The following EYS variants were observed in gnomAD, a reference collection of about 807,000 sequenced individuals.
The protein encoded by EYS is protein eyes shut homolog.
A neutral mutation model predicts 282.1 loss-of-function variants in EYS; 250 were observed. The ratio of observed to expected loss-of-function variants is 0.89; its 90% CI spans 0.80 to 0.98. EYS has a LOEUF of 0.98. Ranked by LOEUF, EYS falls within the 50% of genes least tolerant of loss-of-function variation. The probability of loss-of-function intolerance (pLI) is 0.00; values close to 1 mark genes in which losing one functional copy is unlikely to be tolerated. For synonymous variants in EYS, 1,355 were observed against 1,282.9 expected (o/e 1.06, Z -1.20); for missense variants, 4,016 against 3,709.0 (o/e 1.08, Z -2.15).
intron 22 of EYS, among the ~76,000 whole-genome samples, chr6:64,717,760 A>G (rs1771446312): frequency 6.6e-6 from 1 of 152,210 alleles, no homozygotes. Flanking sequence ...CATGTAATGT[A>G]GAGGTATATG....
chr6:65,421,092 A>T (rs1484514577), intron 5 of EYS, among the ~76,000 whole-genome samples: 4 of 151,928 alleles, frequency 2.6e-5, no homozygotes, highest in African/African-American at 4.8e-5. Flanking sequence ...CCCTAGCAAG[A>T]GAAGCAGTCT....
At chr6:64,662,890 T>C (rs1769093044) in intron 22 of EYS, among the ~76,000 whole-genome samples, 1 of 88,304 alleles carries the variant, frequency 1.1e-5, no homozygotes, top group African/African-American at 5.0e-5. Context: ...CTGATATACC[T>C]CCACCCCATT....
chr6:64,898,786 A>G (rs1040073626), intron 18 of EYS, among the ~76,000 whole-genome samples: 1 of 151,214 alleles, frequency 6.6e-6, no homozygotes, highest in African/African-American at 2.4e-5. Flanking sequence ...AATCAAAAAT[A>G]AAAGAAATCA....
intron 22 of EYS, among the ~76,000 whole-genome samples, chr6:64,660,897 C>A (rs1189394670): frequency 3.3e-5 from 5 of 152,120 alleles, no homozygotes; most frequent in Admixed American, 3.3e-4. Context: ...CTTTAAAGTT[C>A]ATATGGAAAC....
rs1582370442 is a variant in EYS at position 65,490,844 on chromosome 6, T to G, written c.749-137A>C. On this transcript the variant is annotated intron_variant, in intron 4 of 42. Transcript: ENST00000503581. ...GTTATGAAACCATGTTATACGATGA[T>G]GCATTTAAATTGAAATAAAAATTAA... 41 of 626,212 alleles carry G rather than the reference T, an allele frequency of 6.5e-5. No homozygotes were observed. The East Asian group carries it at 1.1e-3, about 17-fold the overall frequency. 38.8% of individuals were successfully genotyped at this position (626,212 alleles called of 1,614,324 possible).
intron 22 of EYS, among the ~76,000 whole-genome samples, chr6:64,681,853 T>C (rs982086028): frequency 3.3e-5 from 5 of 152,158 alleles, no homozygotes; most frequent in Non-Finnish European, 7.4e-5. Flanking sequence ...ACAAAGGCAG[T>C]TAATCATTCT....
At chr6:63,803,251 CTTT>C (rs773877468) in intron 37 of EYS, among the ~76,000 whole-genome samples, 1 of 135,572 alleles carries the variant, frequency 7.4e-6, no homozygotes, top group African/African-American at 2.7e-5. Flanking sequence ...ATTTGCCAGG[CTTT>C]TTTTTTTTTC....
intron 30 of EYS, among the ~76,000 whole-genome samples, chr6:64,248,814 G>T (rs1332872715): frequency 6.6e-6 from 1 of 152,018 alleles, no homozygotes; most frequent in Non-Finnish European, 1.5e-5. Context: ...CAGCACTTTG[G>T]GGGACCAAGG....
chr6:64,988,489 G>A (rs141054165), intron 14 of EYS, among the ~76,000 whole-genome samples: 22 of 151,550 alleles, frequency 1.5e-4, no homozygotes, highest in African/African-American at 2.2e-4. Flanking sequence ...GTTAAAAGAC[G>A]TACAGGTAAA....
At chr6:64,781,948 A>G (rs1017563837) in intron 22 of EYS, among the ~76,000 whole-genome samples, 7 of 152,206 alleles carry the variant, frequency 4.6e-5, no homozygotes, top group Non-Finnish European at 7.3e-5. Flanking sequence ...GGCACAGTGG[A>G]TATGAAATTG....
At chr6:64,579,416 A>G (rs1413807290) in intron 26 of EYS, among the ~76,000 whole-genome samples, 1 of 152,162 alleles carries the variant, frequency 6.6e-6, no homozygotes, top group Non-Finnish European at 1.5e-5. Context: ...CCTTTATATC[A>G]TCTGGAAAGT....
At chr6:64,980,108 C>T (rs1770603707) in intron 14 of EYS, among the ~76,000 whole-genome samples, 1 of 151,464 alleles carries the variant, frequency 6.6e-6, no homozygotes, top group South Asian at 2.1e-4. Flanking sequence ...TACAGTAAGA[C>T]TTTCTACTCT....
chr6:64,791,486 C>A (rs1174289758), intron 22 of EYS, among the ~76,000 whole-genome samples: 1 of 151,770 alleles, frequency 6.6e-6, no homozygotes, highest in African/African-American at 2.4e-5. Context: ...AACTTTATGA[C>A]AGAATAGAAA....
intron 26 of EYS, among the ~76,000 whole-genome samples, chr6:64,569,011 C>A: frequency 9.9e-6 from 1 of 100,610 alleles, no homozygotes; most frequent in Non-Finnish European, 1.9e-5. Context: ...TAGACAAATC[C>A]ACAAAGATGG....
intron 31 of EYS, among the ~76,000 whole-genome samples, chr6:64,115,379 C>T (rs1044313880): frequency 6.6e-6 from 1 of 152,130 alleles, no homozygotes; most frequent in African/African-American, 2.4e-5. Context: ...CACCAAACAC[C>T]ACTGCCATCA....
chr6:65,587,245 G>A (rs914688183), intron 2 of EYS, among the ~76,000 whole-genome samples: 9 of 151,874 alleles, frequency 5.9e-5, no homozygotes, highest in Admixed American at 2.6e-4. Context: ...GGAGATAGCC[G>A]AAGAGAACTA....
chr6:64,622,293 A>G (rs1767470265), intron 23 of EYS, among the ~76,000 whole-genome samples: 1 of 152,130 alleles, frequency 6.6e-6, no homozygotes, highest in East Asian at 1.9e-4. Context: ...CCCTGTCATG[A>G]CTGGACAACA....
intron 31 of EYS, among the ~76,000 whole-genome samples, chr6:64,151,309 GTGTATATTTATATA>G (rs1477495431): frequency 2.2e-5 from 2 of 89,760 alleles, no homozygotes; most frequent in East Asian, 7.6e-4. Context: ...ACGTGTGTGT[GTGTATATTTATATA>G]TATATATATA....
intron 2 of EYS, among the ~76,000 whole-genome samples, chr6:65,574,616 A>C (rs1226643592): frequency 1.3e-5 from 2 of 152,214 alleles, no homozygotes; most frequent in African/African-American, 4.8e-5. Flanking sequence ...TGGAGAAGCT[A>C]AGTAATAGTA....
Sources: allele counts gnomAD v4.1 joint callset (sites outside exome capture counted in the v4.1 genomes callset), GRCh38; gene constraint gnomAD v4.1.1; transcripts MANE v1.5; gene names NCBI Gene and HGNC (gene_info 2026-07-23, HGNC 2026-07-21).